Variants in C6orf132 observed in about 807,000 individuals in gnomAD.
The protein encoded by C6orf132 is uncharacterized protein C6orf132.
A neutral mutation model predicts 65.3 loss-of-function variants in C6orf132; 43 were observed. The ratio of observed to expected loss-of-function variants is 0.66; its 90% CI spans 0.52 to 0.85. C6orf132 has a LOEUF of 0.85. C6orf132 is among the 40% of genes least tolerant of loss of function. C6orf132 has a pLI of 0.00. For missense variants in C6orf132, 1,488 were observed against 1,548.8 expected, an observed-to-expected ratio of 0.96 and a Z score of 0.66; for synonymous variants, 631 against 654.1, an observed-to-expected ratio of 0.96 and a Z score of 0.54.
Position 42,104,060 on chromosome 6 carries a change from G to C in C6orf132, c.3450-182C>G, listed in dbSNP as rs569691894. On this transcript the variant is annotated intron_variant, in intron 4 of 4. Transcript: ENST00000341865. The surrounding 1 kb of genome is among the most constrained non-coding windows in gnomAD (Gnocchi z 4.1). The stretch of plus-strand genomic sequence containing the variant: ...CATCACAAACAGGGCTCCCATTCTG[G>C]TCTGGGCCCTGCTGGCCGGAGAACA... 2.6e-5 allele frequency among the ~76,000 whole-genome samples: 4 copies of C among 152,202 alleles called. No individual in the cohort carries two copies. The highest frequency in any genetic ancestry group is 4.4e-5 in the Non-Finnish European group (3 of 68,030).
intron 1 of C6orf132, among the ~76,000 whole-genome samples, chr6:42,129,866 T>C (rs188629589): frequency 5.3e-5 from 8 of 152,338 alleles, no homozygotes; most frequent in African/African-American, 1.4e-4. Flanking sequence ...AACTGGGACA[T>C]TGAGCTAATC....
intron 2 of C6orf132, among the ~76,000 whole-genome samples, chr6:42,111,613 T>C (rs1176519072): frequency 6.6e-6 from 1 of 151,952 alleles, no homozygotes; most frequent in East Asian, 1.9e-4. Flanking sequence ...TTTTAGAGAA[T>C]GTGGTTTCGT....
At chr6:42,112,980 C>CA (rs1554182151) in intron 2 of C6orf132, among the ~76,000 whole-genome samples, 1 of 150,384 alleles carries the variant, frequency 6.6e-6, no homozygotes. Flanking sequence ...ATCAACTTGT[C>CA]TTTTTTTTTT....
In C6orf132 at chr6:42,107,087, G is replaced by A. The variant is rs1766423941; in HGVS notation, c.825C>T (p.Ser275=). Residue 275 remains serine (S), a synonymous_variant, in exon 4 of 5, where the codon AGC becomes AGT. Coordinates refer to ENST00000341865, the MANE Select transcript of C6orf132 (RefSeq NM_001164446.3). ...TTGGCTCAGCAGGGCTTCTCGGGGGGCTGGCTCTGGTGGCCTCTGCCTGCC... is the reference window on the plus strand; with the variant it reads ...TTGGCTCAGCAGGGCTTCTCGGGGGACTGGCTCTGGTGGCCTCTGCCTGCC... ...NGRQAEATRA[S]PPRSPAEPKG... 1.4e-6 allele frequency: 2 copies of A among 1,467,218 alleles called. No homozygotes were observed. The highest frequency in any genetic ancestry group is 1.8e-6 in the Non-Finnish European group (2 of 1,112,078). 90.9% of individuals were successfully genotyped at this position (1,467,218 alleles called of 1,614,324 possible).
chr6:42,107,284 T>C lies in C6orf132; in HGVS notation c.628A>G (p.Thr210Ala), dbSNP rs1161783378. The change falls in exon 4 of 5, where the codon ACC (threonine) becomes GCC (alanine). Residue 210 changes from threonine (T) to alanine (A), a missense_variant. Coordinates refer to ENST00000341865, the MANE Select transcript of C6orf132 (RefSeq NM_001164446.3). ...GCAGGGGGAATGAAGTCAGGAGGGG[T>C]GGGTATGGATGGGGAGGAAAGAGTG... ...PHTLSSPSIP[T>A]PPDFIPPAPP... The C allele has an allele frequency of 5.2e-6, 2 of 380,958 alleles. No individual in the cohort carries two copies. Among genetic ancestry groups the C allele is most frequent in the African/African-American group, 5.9e-5 (1 of 16,890 alleles). The allele number at this position is 380,958 out of a possible 1,614,324, so 23.6% of individuals were successfully genotyped here.
intron 1 of C6orf132, among the ~76,000 whole-genome samples, chr6:42,141,701 G>A (rs572284464): frequency 6.6e-6 from 1 of 152,294 alleles, no homozygotes; most frequent in South Asian, 2.1e-4. Context: ...GCCCCAATAA[G>A]TGACTTGGTG....
intron 4 of C6orf132, 112 bp from the exon 5 acceptor site, chr6:42,103,990 C>T (rs912938907): frequency 5.4e-6 from 4 of 736,544 alleles, no homozygotes; most frequent in Non-Finnish European, 7.8e-6. Context: ...TCTGTATTTG[C>T]CCCGACAAGC....
At position 42,113,360 on chromosome 6, in the gene C6orf132, G is replaced by A. The variant is rs148308597; in HGVS notation, c.253-3069C>T. Among the ~76,000 whole-genome samples the A allele has an allele frequency of 4.5e-3, 681 of 152,340 alleles. 6 individuals are homozygous for A. The highest frequency in any genetic ancestry group is 0.018 in the Admixed American group (276 of 15,300). On this transcript the variant is annotated intron_variant, in intron 2 of 4. Coordinates refer to ENST00000341865, the MANE Select transcript of C6orf132 (RefSeq NM_001164446.3). ...ATGAGCAGTGGAGATGTGGGATGGG[G>A]ACAGTGATGTTGAGCCATTGTCCAG...
At chr6:42,111,868 A>G (rs1462667421) in intron 2 of C6orf132, among the ~76,000 whole-genome samples, 2 of 152,284 alleles carry the variant, frequency 1.3e-5, no homozygotes, top group African/African-American at 4.8e-5. Context: ...ATATGTCAAC[A>G]AAGTCCACAC....
chr6:42,133,438 G>T (rs77896735), intron 1 of C6orf132, among the ~76,000 whole-genome samples: 77 of 152,342 alleles, frequency 5.1e-4, no homozygotes, highest in Non-Finnish European at 1.0e-3. Context: ...GACCACAGAG[G>T]CAGCATTGGA....
At position 42,125,868 on chromosome 6, in the gene C6orf132, G is replaced by A. The variant is rs117529120; in HGVS notation, c.252+2804C>T. ...CCAGAGCCAGAGAGGGCTGGAAGGT[G>A]AGGATTTGCTCTGGTCTTTGAGGGG... On this transcript the variant is annotated intron_variant, in intron 2 of 4. Coordinates refer to ENST00000341865, the MANE Select transcript of C6orf132 (RefSeq NM_001164446.3). Among the ~76,000 whole-genome samples the A allele has an allele frequency of 2.9e-4, 44 of 152,254 alleles. 2 individuals carry two copies. The East Asian group carries it at 3.7e-3, about 13-fold the overall frequency.
Position 42,106,382 on chromosome 6 carries a change from A to G in C6orf132, c.1530T>C (p.Pro510=). ...SKEGKKGPRL[P]EKETLLSLPA... The stretch of plus-strand genomic sequence containing the variant: ...GCAGGCTCAGGAGAGTCTCCTTCTC[A>G]GGCAGGCGGGGGCCCTTCTTGCCCT... Residue 510 remains proline, a synonymous_variant, in exon 4 of 5, where the codon CCT becomes CCC. Transcript: ENST00000341865. The G allele has an allele frequency of 6.5e-7, 1 of 1,536,282 alleles. No homozygotes were observed. The highest frequency in any genetic ancestry group is 8.7e-7 in the Non-Finnish European group (1 of 1,146,854).
chr6:42,104,389 G>T lies in C6orf132; in HGVS notation c.3449+74C>A. On this transcript the variant is annotated intron_variant, in intron 4 of 4. Transcript: ENST00000341865. This position sits in a 1 kb window ranked among gnomAD's most constrained non-coding sequence, Gnocchi z 4.1. ...AACCAAATGTTTTCTCTTGACGGAT[G>T]GCCGGGACTCCTTGGCCCTCGCCTG... 8.2e-7 allele frequency: 1 copy of T among 1,226,718 alleles called. No homozygotes were observed. Among genetic ancestry groups the T allele is most frequent in the South Asian group, 4.2e-5 (1 of 23,584 alleles). 76.0% of individuals were successfully genotyped at this position (1,226,718 alleles called of 1,614,324 possible).
In C6orf132 at chr6:42,103,167, CCTT is replaced by C; in HGVS notation, c.*591_*593del. 2.5e-6 allele frequency: 1 copy of C among 398,648 alleles called. No individual in the cohort carries two copies. The highest frequency in any genetic ancestry group is 4.4e-6 in the Non-Finnish European group (1 of 226,082). 24.7% of individuals were successfully genotyped at this position (398,648 alleles called of 1,614,324 possible). On this transcript the variant is annotated 3_prime_UTR_variant, in exon 5 of 5. Coordinates refer to ENST00000341865, the MANE Select transcript of C6orf132 (RefSeq NM_001164446.3). The stretch of plus-strand genomic sequence containing the variant: ...CTTCACTCCCCACCCCACACATGGT[CCTT>C]CTCCACATGTTATACATACACATTC...
chr6:42,137,811 A>G (rs971683027), intron 1 of C6orf132, among the ~76,000 whole-genome samples: 15 of 18,798 alleles, frequency 8.0e-4, no homozygotes, highest in Non-Finnish European at 1.2e-3. Context: ...AGGCCGAGGC[A>G]GGGGCGGGGG....
rs1367746076 is a variant in C6orf132, at chr6:42,103,593, C to T, written c.*168G>A. The T allele has an allele frequency of 2.6e-6, 1 of 390,306 alleles. No individual in the cohort carries two copies. Among genetic ancestry groups the T allele is most frequent in the African/African-American group, 2.1e-5 (1 of 47,842 alleles). The allele number at this position is 390,306 out of a possible 1,614,324, so 24.2% of individuals were successfully genotyped here. On this transcript the variant is annotated 3_prime_UTR_variant, in exon 5 of 5. Coordinates refer to ENST00000341865, the MANE Select transcript of C6orf132 (RefSeq NM_001164446.3). ...TGGGAAACAGAAGCCCACTCTCGGT[C>T]TTCCTGGGCCACTGCTTCTCATCGT... is the stretch of plus-strand genomic sequence containing the variant.
chr6:42,128,867 G>C (rs1010941186), intron 1 of C6orf132, 89 bp from the exon 2 acceptor site: 4 of 876,862 alleles, frequency 4.6e-6, no homozygotes, highest in Non-Finnish European at 7.4e-6. Context: ...CTCCCAGTGA[G>C]GAAAGCCAGG....
intron 1 of C6orf132, among the ~76,000 whole-genome samples, chr6:42,137,716 AAAC>A (rs1766965760): frequency 6.6e-6 from 1 of 151,992 alleles, no homozygotes. Flanking sequence ...TTCCCGCACA[AAAC>A]AATTCCCCTG....
Position 42,105,879 on chromosome 6 carries a change from C to T in C6orf132, c.2033G>A (p.Gly678Glu), listed in dbSNP as rs1041194692. ...GPATPLKATSGPTTPLKATSG... is the reference protein window; with the variant it reads ...GPATPLKATSEPTTPLKATSG... ...TGTGGCCTTGAGTGGTGTGGTTGGC[C>T]CAGATGTGGCCTTGAGTGGTGTGGC... is the stretch of plus-strand genomic sequence containing the variant. The change falls in exon 4 of 5, where the codon GGG (glycine) becomes GAG (glutamate). Residue 678 changes from glycine to glutamate, a missense_variant. Gly to Glu is a moderately conservative substitution (Grantham distance 98). Coordinates refer to ENST00000341865, the MANE Select transcript of C6orf132 (RefSeq NM_001164446.3). 2 of 1,537,110 alleles carry T rather than the reference C, an allele frequency of 1.3e-6. No homozygotes were observed. Among genetic ancestry groups the T allele is most frequent in the Non-Finnish European group, 8.7e-7 (1 of 1,146,856 alleles).
Sources: gnomAD v4.1 joint callset for allele counts (sites outside exome capture counted in the v4.1 genomes callset) on GRCh38, gnomAD v4.1.1 for gene constraint, Gnocchi (gnomAD v3.1) non-coding constraint, MANE v1.5 for transcripts, NCBI Gene and HGNC (gene_info 2026-07-23, HGNC 2026-07-21) for gene names.